The following ST8SIA5 variants were observed in gnomAD, a reference collection of about 807,000 sequenced individuals.
The protein encoded by ST8SIA5 is ST8 alpha-N-acetyl-neuraminide alpha-2,8-sialyltransferase 5, also known as alpha-2,8-sialyltransferase 8E.
ST8SIA5 carries 24 observed loss-of-function variants against 40.2 expected under a neutral mutation model. The observed-to-expected ratio is 0.60, with a 90% CI of 0.43 to 0.84. The LOEUF (loss-of-function observed/expected upper bound fraction) is 0.84, where lower values mean the gene tolerates loss of function less well. ST8SIA5 is among the 40% of genes least tolerant of loss of function. ST8SIA5 has a pLI of 0.00. For missense variants in ST8SIA5, 465 were observed against 498.5 expected (o/e 0.93, Z 0.64); for synonymous variants, 198 against 201.8 (o/e 0.98, Z 0.16).
Position 46,756,809 on chromosome 18 carries a change from T to TC in ST8SIA5, c.-302dup. 1 of 322,448 alleles carries TC rather than the reference T, an allele frequency of 3.1e-6. No individual in the cohort carries two copies. Among genetic ancestry groups the TC allele is most frequent in the East Asian group, 6.6e-5 (1 of 15,096 alleles). The allele number at this position is 322,448 out of a possible 1,614,324, so 20.0% of individuals were successfully genotyped here. A position where few individuals can be genotyped will look rare whatever the true frequency, so the allele number is the denominator to read the frequency against. On this transcript the variant is annotated 5_prime_UTR_variant, in exon 1 of 7. It removes the in-frame stop codon of an upstream open reading frame in the 5' UTR. Transcript: ENST00000315087. Reference sequence around the variant, plus strand: ...CGCCGGTGCCGGGTAGCCGCCGATTTCCCCGCGGAGGGGAGACGCCAGGTG... The same window carrying TC: ...CGCCGGTGCCGGGTAGCCGCCGATTTCCCCCGCGGAGGGGAGACGCCAGGTG...
At chr18:46,688,456 G>C (rs1443528233) in intron 4 of ST8SIA5, among the ~76,000 whole-genome samples, 2 of 152,174 alleles carry the variant, frequency 1.3e-5, no homozygotes, top group Non-Finnish European at 2.9e-5. Flanking sequence ...CTCAGGAGGG[G>C]GACGAATGTG....
intron 1 of ST8SIA5, among the ~76,000 whole-genome samples, chr18:46,734,364 A>G (rs943760715): frequency 6.6e-6 from 1 of 152,040 alleles, no homozygotes; most frequent in African/African-American, 2.4e-5. Context: ...GAGGAGAGGA[A>G]CGGAGAGACC....
chr18:46,698,243 C>A (rs768267139), intron 2 of ST8SIA5, among the ~76,000 whole-genome samples: 10 of 151,324 alleles, frequency 6.6e-5, no homozygotes, highest in African/African-American at 2.4e-4. Flanking sequence ...CACCAACAAT[C>A]AAAACAACAA....
rs2039345737 is a variant in ST8SIA5, at chr18:46,677,298, A to ATTGGGTGCC, written c.*2743_*2744insGGCACCCAA. The ATTGGGTGCC allele has an allele frequency of 6.8e-6, 1 of 147,540 alleles. No individual in the cohort carries two copies. Among genetic ancestry groups the ATTGGGTGCC allele is most frequent in the Non-Finnish European group, 1.5e-5 (1 of 67,112 alleles). 9.1% of individuals were successfully genotyped at this position (147,540 alleles called of 1,614,324 possible). On this transcript the variant is annotated 3_prime_UTR_variant, in exon 7 of 7. Coordinates refer to ENST00000315087, the MANE Select transcript of ST8SIA5 (RefSeq NM_013305.6). ...TTTGGGGCTCTACAGATCTGGGTGC[A>ATTGGGTGCC]GTTCCCTCCATTGGGTGCCGTTCCC...
chr18:46,696,618 G>A (rs1229299041), intron 2 of ST8SIA5, among the ~76,000 whole-genome samples: 1 of 152,190 alleles, frequency 6.6e-6, no homozygotes, highest in African/African-American at 2.4e-5. Flanking sequence ...TGGATATAAC[G>A]GCTGGCTGCT....
chr18:46,713,214 A>T (rs2039751403), intron 1 of ST8SIA5, among the ~76,000 whole-genome samples: 1 of 152,210 alleles, frequency 6.6e-6, no homozygotes, highest in African/African-American at 2.4e-5. Flanking sequence ...AAGTGGGGAG[A>T]AGGAGACAGA....
At chr18:46,751,640 C>T (rs1488062649) in intron 1 of ST8SIA5, among the ~76,000 whole-genome samples, 1 of 152,120 alleles carries the variant, frequency 6.6e-6, no homozygotes, top group Non-Finnish European at 1.5e-5. Context: ...CATGATCCAC[C>T]AGCCTAGGCC....
intron 1 of ST8SIA5, among the ~76,000 whole-genome samples, chr18:46,714,677 G>A (rs2039768430): frequency 6.6e-6 from 1 of 152,182 alleles, no homozygotes; most frequent in African/African-American, 2.4e-5. Context: ...AGGAGTGACT[G>A]AGCAGGGGGG....
intron 2 of ST8SIA5, among the ~76,000 whole-genome samples, chr18:46,695,445 A>G (rs2039548930): frequency 1.3e-5 from 2 of 152,212 alleles, no homozygotes; most frequent in Admixed American, 6.5e-5. Flanking sequence ...TCTGAGTCTC[A>G]GTTTTCTCAT....
At chr18:46,701,894 T>G (rs536184052) in intron 2 of ST8SIA5, among the ~76,000 whole-genome samples, 22 of 152,274 alleles carry the variant, frequency 1.4e-4, no homozygotes, top group Admixed American at 6.5e-4. Context: ...ACGCCTGTAA[T>G]CCCAGCACTT....
chr18:46,710,688 C>A (rs537783598), intron 1 of ST8SIA5, among the ~76,000 whole-genome samples: 80 of 152,024 alleles, frequency 5.3e-4, no homozygotes, highest in African/African-American at 1.8e-3. Flanking sequence ...GGGTCTGGCC[C>A]TCTGAGAGCC....
chr18:46,748,702 T>G (rs2144570838), intron 1 of ST8SIA5, among the ~76,000 whole-genome samples: 1 of 149,728 alleles, frequency 6.7e-6, no homozygotes, highest in African/African-American at 2.5e-5. Context: ...AGATGTCACC[T>G]CAAAACCACT....
chr18:46,725,969 AAAAATATATATATATATATATAT>A (rs2039915777), intron 1 of ST8SIA5, among the ~76,000 whole-genome samples: 1 of 45,622 alleles, frequency 2.2e-5, no homozygotes, highest in Non-Finnish European at 3.6e-5. Context: ...TAAAAAAAAA[AAAAATATATATATATATATATAT>A]ATATATATAT....
At chr18:46,740,072 A>G (rs2040073432) in intron 1 of ST8SIA5, among the ~76,000 whole-genome samples, 1 of 152,182 alleles carries the variant, frequency 6.6e-6, no homozygotes, top group South Asian at 2.1e-4. Flanking sequence ...CTACACTCTA[A>G]TCTCTGACTC....
rs1051130657 is a variant in ST8SIA5 at position 46,747,545 on chromosome 18, G to A, written c.131+8833C>T. Reference sequence around the variant, plus strand: ...GATACCATCTCACACCAGTTAGAACGGTGATCATTAAAAAGTCAGGAAACA... The same window carrying A: ...GATACCATCTCACACCAGTTAGAACAGTGATCATTAAAAAGTCAGGAAACA... On this transcript the variant is annotated intron_variant, in intron 1 of 6. Coordinates refer to ENST00000315087, the MANE Select transcript of ST8SIA5 (RefSeq NM_013305.6). Among the ~76,000 whole-genome samples the A allele has an allele frequency of 3.0e-4, 45 of 152,166 alleles. 1 individual carries two copies. The highest frequency in any genetic ancestry group is 2.2e-3 in the Admixed American group (34 of 15,266).
In ST8SIA5 at chr18:46,721,843, C is replaced by T. The variant is rs182754232; in HGVS notation, c.132-17179G>A. Reference sequence around the variant, plus strand: ...GAGCGCCAGCACCACATTTTGTCCTCCTCAAAAGCCAGACACACTTCAGAG... The same window carrying T: ...GAGCGCCAGCACCACATTTTGTCCTTCTCAAAAGCCAGACACACTTCAGAG... On this transcript the variant is annotated intron_variant, in intron 1 of 6. Coordinates refer to ENST00000315087, the MANE Select transcript of ST8SIA5 (RefSeq NM_013305.6). Among the ~76,000 whole-genome samples, 174 of 152,314 alleles carry T rather than the reference C, an allele frequency of 1.1e-3. 1 individual carries two copies. The highest frequency in any genetic ancestry group is 3.4e-3 in the Middle Eastern group (1 of 294).
chr18:46,708,309 T>A (rs1407327249), intron 1 of ST8SIA5, among the ~76,000 whole-genome samples: 2 of 152,172 alleles, frequency 1.3e-5, no homozygotes, highest in Non-Finnish European at 2.9e-5. Flanking sequence ...TCTGCTGTGA[T>A]TAGTAAACCT....
chr18:46,734,607 C>T (rs1392941675), intron 1 of ST8SIA5, among the ~76,000 whole-genome samples: 1 of 152,154 alleles, frequency 6.6e-6, no homozygotes, highest in Non-Finnish European at 1.5e-5. Flanking sequence ...GGGTTTAGGA[C>T]AAGGGAACTA....
chr18:46,751,497 A>G (rs1289790189), intron 1 of ST8SIA5, among the ~76,000 whole-genome samples: 1 of 151,920 alleles, frequency 6.6e-6, no homozygotes, highest in Non-Finnish European at 1.5e-5. Flanking sequence ...CCCAGTTTCA[A>G]GCAATTCTTG....
Sources: allele counts gnomAD v4.1 joint callset (sites outside exome capture counted in the v4.1 genomes callset), GRCh38; gene constraint gnomAD v4.1.1; transcripts MANE v1.5; gene names NCBI Gene and HGNC (gene_info 2026-07-23, HGNC 2026-07-21).